CCDC171: variants seen among roughly 807,000 people sequenced by gnomAD.
CCDC171 encodes the protein coiled-coil domain containing 171.
CCDC171 carries 177 observed loss-of-function variants against 168.2 expected under a neutral mutation model. That is an observed-to-expected ratio of 1.05 (90% CI 0.93 to 1.19). The LOEUF (loss-of-function observed/expected upper bound fraction) is 1.19, where lower values mean the gene tolerates loss of function less well. Among genes scored for constraint, CCDC171 ranks in the 50% most tolerant of loss-of-function variants. CCDC171 has a pLI of 0.00. For missense variants in CCDC171, 1,991 were observed against 1,539.0 expected (o/e 1.29, Z -4.91); for synonymous variants, 687 against 540.8 (o/e 1.27, Z -3.75).
chr9:15,676,528 C>T (rs934531949), intron 9 of CCDC171, among the ~76,000 whole-genome samples: 4 of 151,920 alleles, frequency 2.6e-5, no homozygotes, highest in African/African-American at 9.7e-5. Flanking sequence ...ATCTTGGAAG[C>T]GCTCGAGCTG....
chr9:16,107,161 TC>T, the CCDC171 span, among the ~76,000 whole-genome samples: 1 of 152,132 alleles, frequency 6.6e-6, no homozygotes, highest in Non-Finnish European at 1.5e-5. Context: ...ATATGAATTT[TC>T]TTTTAGAGAC....
At position 15,758,616 on chromosome 9, in the gene CCDC171, G is replaced by A. The variant is rs1330195661; in HGVS notation, c.2671+12985G>A. Among the ~76,000 whole-genome samples the A allele has an allele frequency of 2.6e-5, 4 of 152,286 alleles. No homozygotes were observed. In the East Asian group the frequency reaches 5.8e-4, roughly 22 times the overall value. On this transcript the variant is annotated intron_variant, in intron 18 of 25. Transcript: ENST00000380701. Reference sequence around the variant, plus strand: ...ATGTGAGGACATGAGATGTGGGAGGGAGTCAGGGTGGAATGATATGGATTG... The same window carrying A: ...ATGTGAGGACATGAGATGTGGGAGGAAGTCAGGGTGGAATGATATGGATTG...
chr9:15,960,455 G>A (rs906761554), intron 25 of CCDC171, among the ~76,000 whole-genome samples: 3 of 152,168 alleles, frequency 2.0e-5, no homozygotes, highest in African/African-American at 7.2e-5. Context: ...TGCAAGCATA[G>A]GGAAAATTTA....
the CCDC171 span, among the ~76,000 whole-genome samples, chr9:16,105,198 A>G: frequency 1.3e-5 from 2 of 152,124 alleles, no homozygotes; most frequent in Non-Finnish European, 2.9e-5. Context: ...ATGTGTAAAT[A>G]ATGGATATTA....
intron 3 of CCDC171, among the ~76,000 whole-genome samples, chr9:16,006,199 A>G (rs1461860197): frequency 6.6e-6 from 1 of 152,100 alleles, no homozygotes; most frequent in East Asian, 1.9e-4. Context: ...TAACTCCACC[A>G]TTTTACATTC....
intron 11 of CCDC171, among the ~76,000 whole-genome samples, chr9:15,719,445 A>AGAGAGAGAGG (rs1554776019): frequency 8.0e-5 from 5 of 62,436 alleles, no homozygotes; most frequent in South Asian, 5.8e-4. Context: ...AGAGAGAGAG[A>AGAGAGAGAGG]GAAAGTTTAT....
intron 24 of CCDC171, among the ~76,000 whole-genome samples, chr9:15,919,925 T>C (rs948790607): frequency 2.6e-5 from 4 of 151,684 alleles, no homozygotes; most frequent in African/African-American, 9.7e-5. Flanking sequence ...ATTGCACCTC[T>C]CTTAAGATGG....
At chr9:16,024,046 CGT>C (rs1833227760) in intron 6 of CCDC171, among the ~76,000 whole-genome samples, 1 of 151,858 alleles carries the variant, frequency 6.6e-6, no homozygotes, top group East Asian at 1.9e-4. Flanking sequence ...CAGAGGTCAG[CGT>C]AATGCACTTT....
chr9:15,671,676 A>G lies in CCDC171; in HGVS notation c.1076+5353A>G, dbSNP rs377290213. On this transcript the variant is annotated intron_variant, in intron 9 of 25. Coordinates refer to ENST00000380701, the MANE Select transcript of CCDC171 (RefSeq NM_173550.4). ...TTCCAGCTTCATCCATGTCGCTGCA[A>G]AGGACGTGAGCTCATCCTTTTTTAT... Among the ~76,000 whole-genome samples the G allele has an allele frequency of 5.2e-4, 70 of 135,480 alleles. 1 individual carries two copies. The highest frequency in any genetic ancestry group is 1.7e-3 in the African/African-American group (66 of 38,300). The allele number at this position is 135,480 out of a possible 152,430, so 88.9% of individuals were successfully genotyped here. A position where few individuals can be genotyped will look rare whatever the true frequency, so the allele number is the denominator to read the frequency against.
intron 25 of CCDC171, among the ~76,000 whole-genome samples, chr9:15,952,511 C>T (rs535708042): frequency 2.0e-5 from 3 of 152,212 alleles, no homozygotes; most frequent in African/African-American, 7.2e-5. Context: ...GATTCTCCTG[C>T]CTCAGCCTCC....
At chr9:15,956,411 A>G (rs1242259310) in intron 25 of CCDC171, among the ~76,000 whole-genome samples, 3 of 152,198 alleles carry the variant, frequency 2.0e-5, no homozygotes, top group African/African-American at 7.2e-5. Context: ...AAGGATCTGC[A>G]TTTGGATGTC....
chr9:15,722,336 A>G (rs1416450527), intron 12 of CCDC171, among the ~76,000 whole-genome samples: 6 of 152,236 alleles, frequency 3.9e-5, no homozygotes, highest in African/African-American at 1.4e-4. Flanking sequence ...TAAAGGCAGT[A>G]AAGTGTTGTT....
At chr9:15,781,277 G>T (rs1192853705) in intron 20 of CCDC171, among the ~76,000 whole-genome samples, 1 of 152,190 alleles carries the variant, frequency 6.6e-6, no homozygotes, top group East Asian at 1.9e-4. Flanking sequence ...ATTAGAGTTT[G>T]AGGGAAGGTT....
At chr9:15,669,989 T>C (rs1261336799) in intron 9 of CCDC171, among the ~76,000 whole-genome samples, 1 of 148,238 alleles carries the variant, frequency 6.7e-6, no homozygotes, top group African/African-American at 2.5e-5. Flanking sequence ...GGGACTCCAG[T>C]AGGAAAGAAG....
intron 6 of CCDC171, among the ~76,000 whole-genome samples, chr9:15,616,094 G>A (rs566933582): frequency 3.9e-5 from 6 of 152,266 alleles, no homozygotes; most frequent in Admixed American, 2.6e-4. Context: ...GGGATTACAG[G>A]TGTGTGCCAC....
chr9:15,931,018 A>G (rs1408542970), intron 25 of CCDC171, among the ~76,000 whole-genome samples: 1 of 151,660 alleles, frequency 6.6e-6, no homozygotes, highest in Non-Finnish European at 1.5e-5. Context: ...TTTTACTGTT[A>G]ACCATAGTCA....
chr9:16,105,950 G>A, the CCDC171 span, among the ~76,000 whole-genome samples: 61,287 of 152,140 alleles, frequency 0.4, 12,992 homozygotes, highest in African/African-American at 0.51. Context: ...CCACTGGCAG[G>A]CAGGGCATCC....
At chr9:16,087,382 T>C in the CCDC171 span, among the ~76,000 whole-genome samples, 823 of 152,230 alleles carry the variant, frequency 5.4e-3, 8 homozygotes, top group African/African-American at 0.019. Context: ...TTTGTAGGTC[T>C]CTAAGAACTT....
intron 6 of CCDC171, among the ~76,000 whole-genome samples, chr9:15,614,733 G>C (rs1027096890): frequency 6.6e-6 from 1 of 152,098 alleles, no homozygotes; most frequent in Non-Finnish European, 1.5e-5. Flanking sequence ...AAAATATCAT[G>C]TTTTCTCATT....
Sources: gnomAD v4.1 joint callset for allele counts (sites outside exome capture counted in the v4.1 genomes callset) on GRCh38, gnomAD v4.1.1 for gene constraint, MANE v1.5 for transcripts, NCBI Gene and HGNC (gene_info 2026-07-23, HGNC 2026-07-21) for gene names.